The following DCTN6 variants were observed in gnomAD, a reference collection of about 807,000 sequenced individuals.
DCTN6 encodes dynactin subunit 6.
Under a neutral mutation model 25.8 loss-of-function variants are expected in DCTN6, and 15 were observed. The ratio of observed to expected loss-of-function variants is 0.58; its 90% CI spans 0.39 to 0.89. DCTN6 has a LOEUF of 0.89. Ranked by LOEUF, DCTN6 falls within the 40% of genes least tolerant of loss-of-function variation. The pLI is 0.00. For synonymous variants in DCTN6, 64 were observed against 78.3 expected (o/e 0.82, Z 0.96); for missense variants, 198 against 237.6 (o/e 0.83, Z 1.09).
chr8:30,171,536 G>A (rs1803764618), intron 2 of DCTN6, among the ~76,000 whole-genome samples: 1 of 152,172 alleles, frequency 6.6e-6, no homozygotes, highest in South Asian at 2.1e-4. Context: ...GAGATTACAG[G>A]TGTGAGCCAT....
At chr8:30,182,204 G>C (rs1209759485) in intron 6 of DCTN6, among the ~76,000 whole-genome samples, 1 of 152,114 alleles carries the variant, frequency 6.6e-6, no homozygotes, top group Non-Finnish European at 1.5e-5. Context: ...CTAATCATAA[G>C]GATTATGTAG....
At chr8:30,164,792 A>T (rs1194891139) in intron 2 of DCTN6, among the ~76,000 whole-genome samples, 1 of 152,214 alleles carries the variant, frequency 6.6e-6, no homozygotes, top group Non-Finnish European at 1.5e-5. Flanking sequence ...CCAGGAAGTG[A>T]TGGCTAGAGC....
intron 4 of DCTN6, among the ~76,000 whole-genome samples, chr8:30,177,922 A>G (rs562218342): frequency 2.0e-5 from 3 of 152,308 alleles, no homozygotes; most frequent in Admixed American, 2.0e-4. Context: ...TTTTGCTGGT[A>G]CTACAGCTTG....
chr8:30,162,345 C>T (rs1367285090), intron 1 of DCTN6, among the ~76,000 whole-genome samples: 2 of 152,192 alleles, frequency 1.3e-5, no homozygotes, highest in South Asian at 2.1e-4. Context: ...CCCACCTTGG[C>T]CTCCCAAAGT....
chr8:30,163,238 A>G (rs906854173), intron 1 of DCTN6, among the ~76,000 whole-genome samples: 2 of 152,180 alleles, frequency 1.3e-5, no homozygotes, highest in Admixed American at 6.5e-5. Flanking sequence ...CAGAGGTTGC[A>G]GTGAGCCGAG....
chr8:30,180,599 G>A lies in DCTN6; in HGVS notation c.443G>A (p.Cys148Tyr). ...PENTVIYGADCLRRVQTERPQ... is the reference protein window; with the variant it reads ...PENTVIYGADYLRRVQTERPQ... ...AATACGGTGATCTATGGTGCAGACT[G>A]CCTTCGTCGGGTGCAGACTGAGCGA... Residue 148 changes from cysteine to tyrosine, a missense_variant, in exon 6 of 7, where the codon TGC becomes TAC. Transcript: ENST00000221114. 1 of 1,614,122 alleles carries A rather than the reference G, an allele frequency of 6.2e-7. No individual in the cohort carries two copies. Among genetic ancestry groups the A allele is most frequent in the South Asian group, 1.1e-5 (1 of 91,078 alleles).
At chr8:30,163,257 A>G (rs967548181) in intron 1 of DCTN6, among the ~76,000 whole-genome samples, 1 of 152,154 alleles carries the variant, frequency 6.6e-6, no homozygotes, top group Non-Finnish European at 1.5e-5. Context: ...AGATGGTGCC[A>G]TTGCACTCCA....
At chr8:30,161,207 T>C (rs1207649193) in intron 1 of DCTN6, among the ~76,000 whole-genome samples, 1 of 152,162 alleles carries the variant, frequency 6.6e-6, no homozygotes, top group Admixed American at 6.5e-5. Flanking sequence ...GAAGAAGGTG[T>C]CTGCTTCCCC....
chr8:30,181,246 C>T (rs981636447), intron 6 of DCTN6, among the ~76,000 whole-genome samples: 2 of 152,062 alleles, frequency 1.3e-5, no homozygotes, highest in African/African-American at 4.8e-5. Flanking sequence ...CATAAACAAA[C>T]TGTACAAGCC....
intron 1 of DCTN6, among the ~76,000 whole-genome samples, chr8:30,162,867 G>A (rs1563228359): frequency 2.0e-5 from 3 of 152,226 alleles, no homozygotes; most frequent in South Asian, 2.1e-4. Flanking sequence ...CTTGCTGGTT[G>A]TTAAATAGTT....
In DCTN6 at chr8:30,180,466, T is replaced by G. The variant is rs3779889; in HGVS notation, c.332-22T>G. ...ATCATTTGATGTCTTAAGTTGCAGTTCTTTCTGTGTTTTTATTGCAGCATA... is the reference window on the plus strand; with the variant it reads ...ATCATTTGATGTCTTAAGTTGCAGTGCTTTCTGTGTTTTTATTGCAGCATA... On this transcript the variant is annotated intron_variant, in intron 5 of 6. Transcript: ENST00000221114. 4.4e-6 allele frequency: 7 copies of G among 1,603,712 alleles called. No homozygotes were observed. The East Asian group carries it at 1.3e-4, about 31-fold the overall frequency.
At chr8:30,179,567 C>A in intron 5 of DCTN6, 112 bp downstream of exon 5, 1 of 841,096 alleles carries the variant, frequency 1.2e-6, no homozygotes, top group Non-Finnish European at 1.8e-6. Context: ...TGGAAGTGGG[C>A]TACAATAGCT....
At chr8:30,158,375 C>A (rs574011492) in intron 1 of DCTN6, among the ~76,000 whole-genome samples, 9 of 152,106 alleles carry the variant, frequency 5.9e-5, no homozygotes, top group Admixed American at 5.2e-4. Context: ...ACAAAAAAAA[C>A]CCACTTTAAA....
chr8:30,177,599 T>C, intron 4 of DCTN6: 1 of 153,412 alleles, frequency 6.5e-6, no homozygotes, highest in South Asian at 2.0e-4. Flanking sequence ...CGCCTGAAAT[T>C]CCAGTTACTT....
intron 2 of DCTN6, among the ~76,000 whole-genome samples, chr8:30,164,733 T>A (rs1233185320): frequency 6.6e-6 from 1 of 152,202 alleles, no homozygotes; most frequent in Non-Finnish European, 1.5e-5. Flanking sequence ...AGGTGAGTAA[T>A]GGAGGGCTGA....
At chr8:30,180,142 C>T (rs890739501) in intron 5 of DCTN6, among the ~76,000 whole-genome samples, 4 of 152,296 alleles carry the variant, frequency 2.6e-5, no homozygotes, top group Admixed American at 2.6e-4. Context: ...TTTATGCTTA[C>T]TGTGTGTCAA....
intron 4 of DCTN6, among the ~76,000 whole-genome samples, chr8:30,178,697 C>T (rs1275582911): frequency 6.6e-6 from 1 of 151,992 alleles, no homozygotes; most frequent in Non-Finnish European, 1.5e-5. Context: ...CTTGCTCTGT[C>T]ACCCAGGCTG....
intron 6 of DCTN6, among the ~76,000 whole-genome samples, chr8:30,181,900 T>C (rs1009332802): frequency 1.3e-5 from 2 of 151,694 alleles, no homozygotes; most frequent in Non-Finnish European, 2.9e-5. Flanking sequence ...TTTCAAGACA[T>C]AACTTTGCTT....
chr8:30,163,469 T>TA (rs1803622822), intron 1 of DCTN6, among the ~76,000 whole-genome samples: 1 of 152,156 alleles, frequency 6.6e-6, no homozygotes, highest in Admixed American at 6.5e-5. Context: ...GATGGCCATG[T>TA]AATAGTCCAT....
Sources: allele counts gnomAD v4.1 joint callset (sites outside exome capture counted in the v4.1 genomes callset), GRCh38; gene constraint gnomAD v4.1.1; transcripts MANE v1.5; gene names NCBI Gene and HGNC (gene_info 2026-07-23, HGNC 2026-07-21).